Variants in KCNQ1 observed in about 807,000 individuals in gnomAD.
KCNQ1 encodes potassium voltage-gated channel subfamily KQT member 1.
A neutral mutation model predicts 72.4 loss-of-function variants in KCNQ1; 49 were observed. The observed-to-expected ratio is 0.68, with a 90% CI of 0.54 to 0.86. The LOEUF is 0.86. Among genes scored for constraint, KCNQ1 ranks in the 40% least tolerant of loss-of-function variants. The pLI, the probability that KCNQ1 is intolerant of heterozygous loss-of-function variation, is 0.00. For missense variants in KCNQ1, 790 were observed against 945.1 expected (o/e 0.84, Z 2.15); for synonymous variants, 450 against 412.6 (o/e 1.09, Z -1.10).
chr11:2,571,458 C>A, intron 4 of KCNQ1, 55 bp downstream of exon 4: 1 of 1,482,586 alleles, frequency 6.7e-7, no homozygotes, highest in Non-Finnish European at 9.3e-7. Flanking sequence ...GAGCACCCCT[C>A]CTGAGCCGCG....
intron 10 of KCNQ1, chr11:2,650,692 G>A (rs1849743485): frequency 2.5e-6 from 1 of 398,510 alleles, no homozygotes; most frequent in East Asian, 3.6e-5. Context: ...GATTCTGTAT[G>A]CAGTTTTGCA....
Position 2,567,008 on chromosome 11 carries a change from A to AC in KCNQ1, c.478-3619dup. 6.6e-6 allele frequency among the ~76,000 whole-genome samples: 1 copy of AC among 150,836 alleles called. No individual in the cohort carries two copies. ...GTGGGGGAGGGAGAGAGCACTCCTG[A>AC]CACAGGGTCCTGAGGAGGCAGGGGT... On this transcript the variant is annotated intron_variant, in intron 2 of 15. Transcript: ENST00000155840. This position sits in a 1 kb window ranked among gnomAD's most constrained non-coding sequence, Gnocchi z 6.6.
rs1846596356 is a variant in KCNQ1, at chr11:2,477,944, G to C, written c.386+32460G>C. On this transcript the variant is annotated intron_variant, in intron 1 of 15. Coordinates refer to ENST00000155840, the MANE Select transcript of KCNQ1 (RefSeq NM_000218.3). This position sits in a 1 kb window ranked among gnomAD's most constrained non-coding sequence, Gnocchi z 5.0. ...CGTGGCAGGGGCAGGGGTTCAAAGA[G>C]CTGGTGGTTGTAGTCTCAGTGTCTC... 6.6e-6 allele frequency among the ~76,000 whole-genome samples: 1 copy of C among 152,170 alleles called. No individual in the cohort carries two copies. Among genetic ancestry groups the C allele is most frequent in the Non-Finnish European group, 1.5e-5 (1 of 68,024 alleles).
chr11:2,583,560 G>A lies in KCNQ1; in HGVS notation c.1032+15G>A, dbSNP rs776632260. 2 of 1,585,198 alleles carry A rather than the reference G, an allele frequency of 1.3e-6. No individual in the cohort carries two copies. The highest frequency in any genetic ancestry group is 1.7e-6 in the Non-Finnish European group (2 of 1,153,772). The stretch of plus-strand genomic sequence containing the variant: ...CGCTCCCAGCGGTAGGTGCCCCGTG[G>A]GTGCGTTTTCCCTGGCTCCTTGGAC... On this transcript the variant is annotated intron_variant, in intron 7 of 15. Coordinates refer to ENST00000155840, the MANE Select transcript of KCNQ1 (RefSeq NM_000218.3).
chr11:2,519,783 A>C (rs72637000), intron 1 of KCNQ1, among the ~76,000 whole-genome samples: 2,925 of 80,620 alleles, frequency 0.036, 41 homozygotes, highest in African/African-American at 0.099. Context: ...GCCCCCCCCC[A>C]CAACATTGGT....
intron 15 of KCNQ1, among the ~76,000 whole-genome samples, chr11:2,846,460 G>A (rs775292618): frequency 5.3e-5 from 8 of 152,262 alleles, no homozygotes; most frequent in South Asian, 4.1e-4. Context: ...CAAGAACACC[G>A]CAGGCTGAAG....
rs527683297 is a variant in KCNQ1, at chr11:2,541,707, T to G, written c.477+13689T>G. On this transcript the variant is annotated intron_variant, in intron 2 of 15. Transcript: ENST00000155840. The surrounding 1 kb of genome is among the most constrained non-coding windows in gnomAD (Gnocchi z 4.8). ...ATCTCAGGCTCAGGTGTTTTGAGTT[T>G]TTTTTTTTTTTTAAATGAGGACATC... Among the ~76,000 whole-genome samples, 5 of 151,148 alleles carry G rather than the reference T, an allele frequency of 3.3e-5. No homozygotes were observed. The highest frequency in any genetic ancestry group is 6.6e-5 in the Admixed American group (1 of 15,206).
At chr11:2,568,502 A>G (rs1043028759) in intron 2 of KCNQ1, among the ~76,000 whole-genome samples, 1 of 152,114 alleles carries the variant, frequency 6.6e-6, no homozygotes, top group South Asian at 2.1e-4. Context: ...CTTTTTCACG[A>G]TGACCAAACA....
At chr11:2,577,170 C>T (rs1041531283) in intron 6 of KCNQ1, among the ~76,000 whole-genome samples, 33 of 152,302 alleles carry the variant, frequency 2.2e-4, no homozygotes, top group East Asian at 1.9e-4. Context: ...ACTGTTGAGG[C>T]GTGTGGTTTG....
intron 15 of KCNQ1, among the ~76,000 whole-genome samples, chr11:2,822,339 C>A (rs570916166): frequency 6.6e-6 from 1 of 152,172 alleles, no homozygotes; most frequent in Non-Finnish European, 1.5e-5. Flanking sequence ...ACCAGCACAG[C>A]GCCAGGCCCT....
intron 11 of KCNQ1, among the ~76,000 whole-genome samples, chr11:2,706,156 A>T (rs1392850945): frequency 6.6e-6 from 1 of 152,218 alleles, no homozygotes. Context: ...GTGGCACTTA[A>T]TTCCCCTCTA....
chr11:2,569,061 T>C (rs1848287690), intron 2 of KCNQ1, among the ~76,000 whole-genome samples: 1 of 152,164 alleles, frequency 6.6e-6, no homozygotes, highest in Admixed American at 6.5e-5. Flanking sequence ...AATTTTTGTA[T>C]TTTTAGTGGA....
In KCNQ1 at chr11:2,776,844, C is replaced by T. The variant is rs1846712440; in HGVS notation, c.1686-142C>T. ...GGGGGGTTGGGAGTGACCTGGCAGG[C>T]CTTAGGGTCGGGGGTGTCCCCAGAG... On this transcript the variant is annotated intron_variant, in intron 13 of 15. Coordinates refer to ENST00000155840, the MANE Select transcript of KCNQ1 (RefSeq NM_000218.3). 20 of 805,272 alleles carry T rather than the reference C, an allele frequency of 2.5e-5. No homozygotes were observed. The South Asian group carries it at 2.7e-4, about 11-fold the overall frequency. The allele number at this position is 805,272 out of a possible 1,614,324, so 49.9% of individuals were successfully genotyped here. A position where few individuals can be genotyped will look rare whatever the true frequency, so the allele number is the denominator to read the frequency against.
rs1158231057 is a variant in KCNQ1 at position 2,463,583 on chromosome 11, AC to A, written c.386+18102del. Among the ~76,000 whole-genome samples the A allele has an allele frequency of 6.6e-6, 1 of 151,956 alleles. No homozygotes were observed. The highest frequency in any genetic ancestry group is 1.5e-5 in the Non-Finnish European group (1 of 67,974). On this transcript the variant is annotated intron_variant, in intron 1 of 15. Coordinates refer to ENST00000155840, the MANE Select transcript of KCNQ1 (RefSeq NM_000218.3). This position sits in a 1 kb window ranked among gnomAD's most constrained non-coding sequence, Gnocchi z 7.0. ...ACCTCAAAGTCACGCTGCCCTGGGC[AC>A]CCTGCCTCTTCCGGGGACTGGGGCT... is the stretch of plus-strand genomic sequence containing the variant.
intron 2 of KCNQ1, among the ~76,000 whole-genome samples, chr11:2,561,293 A>T (rs1253227769): frequency 6.6e-6 from 1 of 152,084 alleles, no homozygotes. Flanking sequence ...AGGCCAGGTG[A>T]CGTGGAGGGC....
rs766940610 is a variant in KCNQ1 at position 2,808,584 on chromosome 11, G to A, written c.1794+30547G>A. ...TTTTTAAATGGGAGTCCTCAGGTAG[G>A]TTGGTTGATTGAGTGATTGATTGAT... On this transcript the variant is annotated intron_variant, in intron 15 of 15. Transcript: ENST00000155840. This position sits in a 1 kb window ranked among gnomAD's most constrained non-coding sequence, Gnocchi z 6.0. Among the ~76,000 whole-genome samples, 8 of 152,122 alleles carry A rather than the reference G, an allele frequency of 5.3e-5. No homozygotes were observed. The highest frequency in any genetic ancestry group is 8.8e-5 in the Non-Finnish European group (6 of 68,034).
At chr11:2,838,925 C>T (rs1848143827) in intron 15 of KCNQ1, among the ~76,000 whole-genome samples, 1 of 151,312 alleles carries the variant, frequency 6.6e-6, no homozygotes, top group South Asian at 2.1e-4. Flanking sequence ...AAACACGGCT[C>T]CTGGGCCCCC....
intron 11 of KCNQ1, among the ~76,000 whole-genome samples, chr11:2,765,586 A>G (rs924561916): frequency 6.6e-6 from 1 of 152,216 alleles, no homozygotes; most frequent in Admixed American, 6.5e-5. Context: ...GGTGTGTTCA[A>G]ATCTCCCACC....
At chr11:2,575,480 C>T (rs917615992) in intron 6 of KCNQ1, among the ~76,000 whole-genome samples, 3 of 152,208 alleles carry the variant, frequency 2.0e-5, no homozygotes, top group South Asian at 2.1e-4. Flanking sequence ...TGGCATTTCT[C>T]GGACAAACAG....
Sources: gnomAD v4.1 joint callset for allele counts (sites outside exome capture counted in the v4.1 genomes callset) on GRCh38, gnomAD v4.1.1 for gene constraint, Gnocchi (gnomAD v3.1) non-coding constraint, MANE v1.5 for transcripts, NCBI Gene and HGNC (gene_info 2026-07-23, HGNC 2026-07-21) for gene names.